Variants in SORCS1 observed in about 807,000 individuals in gnomAD.
SORCS1 encodes the protein VPS10 domain-containing receptor SorCS1.
A neutral mutation model predicts 146.1 loss-of-function variants in SORCS1; 60 were observed. The ratio of observed to expected loss-of-function variants is 0.41; its 90% CI spans 0.33 to 0.51. SORCS1 has a LOEUF of 0.51. Ranked by LOEUF, SORCS1 falls within the 20% of genes least tolerant of loss-of-function variation. SORCS1 has a pLI of 0.21. For missense variants in SORCS1, 1,352 were observed against 1,487.6 expected, an observed-to-expected ratio of 0.91 and a Z score of 1.50; for synonymous variants, 637 against 584.0, an observed-to-expected ratio of 1.09 and a Z score of -1.31.
chr10:107,159,512 T>G (rs867680345), intron 1 of SORCS1, among the ~76,000 whole-genome samples: 2 of 152,118 alleles, frequency 1.3e-5, no homozygotes, highest in Non-Finnish European at 2.9e-5. Flanking sequence ...TAAGTAGCAT[T>G]TATTGAGCAT....
chr10:107,040,138 C>T (rs527865477), intron 1 of SORCS1, among the ~76,000 whole-genome samples: 3 of 152,256 alleles, frequency 2.0e-5, no homozygotes, highest in South Asian at 4.2e-4. Context: ...CCAGGATTCC[C>T]AAGTTACTGT....
intron 1 of SORCS1, among the ~76,000 whole-genome samples, chr10:107,094,735 G>A (rs764325902): frequency 5.3e-5 from 8 of 152,186 alleles, no homozygotes; most frequent in Non-Finnish European, 1.2e-4. Flanking sequence ...AGTAGGGAAT[G>A]ATAAAGATAT....
intron 1 of SORCS1, 92 bp downstream of exon 1, chr10:107,163,877 C>T (rs891563384): frequency 4.1e-5 from 58 of 1,409,082 alleles, no homozygotes; most frequent in Non-Finnish European, 4.8e-6. Flanking sequence ...GTCCAGAAAC[C>T]CTATTTCCCC....
intron 6 of SORCS1, among the ~76,000 whole-genome samples, chr10:106,712,014 C>A (rs375378681): frequency 1.3e-5 from 2 of 152,248 alleles, no homozygotes; most frequent in East Asian, 1.9e-4. Flanking sequence ...ATAAGAAATC[C>A]TTTCATCTTC....
intron 10 of SORCS1, among the ~76,000 whole-genome samples, chr10:106,681,535 T>C (rs975600134): frequency 1.3e-5 from 2 of 152,222 alleles, no homozygotes; most frequent in African/African-American, 4.8e-5. Context: ...GATATCACTT[T>C]ACTATTTTAC....
chr10:107,056,580 T>C lies in SORCS1; in HGVS notation c.559-100000A>G, dbSNP rs565196389. ...GACAGAGGAAAACTATCTCTTATCA[T>C]ATAATTAGCACATAACCATCGATAG... On this transcript the variant is annotated intron_variant, in intron 1 of 25. Transcript: ENST00000263054. Among the ~76,000 whole-genome samples the C allele has an allele frequency of 2.6e-5, 4 of 152,334 alleles. No individual in the cohort carries two copies. The South Asian group carries it at 6.2e-4, about 24-fold the overall frequency.
At chr10:107,026,007 A>C (rs1333863222) in intron 1 of SORCS1, among the ~76,000 whole-genome samples, 1 of 152,208 alleles carries the variant, frequency 6.6e-6, no homozygotes, top group Non-Finnish European at 1.5e-5. Context: ...TGTCTCTGCC[A>C]TCCAGGACCC....
intron 1 of SORCS1, among the ~76,000 whole-genome samples, chr10:107,147,127 TGAAAGA>T (rs1968397733): frequency 6.6e-6 from 1 of 152,204 alleles, no homozygotes; most frequent in Non-Finnish European, 1.5e-5. Flanking sequence ...TAAATGTGCC[TGAAAGA>T]AAACGTAAGT....
At chr10:106,625,172 C>T (rs1199179267) in intron 19 of SORCS1, among the ~76,000 whole-genome samples, 3 of 151,272 alleles carry the variant, frequency 2.0e-5, no homozygotes, top group Non-Finnish European at 4.4e-5. Flanking sequence ...AAACAACTGA[C>T]GCCCGTGAGG....
chr10:106,765,618 G>T (rs184639352), intron 4 of SORCS1, among the ~76,000 whole-genome samples: 5 of 152,164 alleles, frequency 3.3e-5, no homozygotes, highest in Non-Finnish European at 5.9e-5. Context: ...AAAATAGCCT[G>T]GGGGAGGGAA....
chr10:107,084,346 G>A (rs570385197), intron 1 of SORCS1, among the ~76,000 whole-genome samples: 25 of 149,000 alleles, frequency 1.7e-4, no homozygotes, highest in African/African-American at 5.4e-4. Flanking sequence ...CTCGTGATCC[G>A]CCCGCCTCAG....
intron 19 of SORCS1, among the ~76,000 whole-genome samples, chr10:106,628,330 G>A (rs1248998018): frequency 1.3e-5 from 2 of 152,160 alleles, no homozygotes; most frequent in African/African-American, 2.4e-5. Flanking sequence ...TGTTCCATGG[G>A]CAAGGTGCAG....
intron 19 of SORCS1, among the ~76,000 whole-genome samples, chr10:106,627,399 C>T (rs1211392259): frequency 6.6e-6 from 1 of 152,030 alleles, no homozygotes; most frequent in Non-Finnish European, 1.5e-5. Context: ...GCAAAATCAC[C>T]CCTTATAGAA....
chr10:106,579,495 G>A (rs759658378), intron 24 of SORCS1, 21 bp from the exon 25 acceptor site: 1 of 1,612,234 alleles, frequency 6.2e-7, no homozygotes. Flanking sequence ...AAACAGAGCA[G>A]AGAAAAATGA....
At chr10:106,952,003 G>A (rs1368441749) in intron 2 of SORCS1, among the ~76,000 whole-genome samples, 1 of 152,134 alleles carries the variant, frequency 6.6e-6, no homozygotes, top group Non-Finnish European at 1.5e-5. Context: ...CTCTCAAAAA[G>A]TATCAAAGAA....
At chr10:106,582,910 T>C (rs1845006915) in intron 24 of SORCS1, among the ~76,000 whole-genome samples, 1 of 152,208 alleles carries the variant, frequency 6.6e-6, no homozygotes, top group Admixed American at 6.5e-5. Context: ...GAAAAGTGAT[T>C]GCCACGTAGT....
intron 1 of SORCS1, among the ~76,000 whole-genome samples, chr10:107,160,338 T>C (rs1969607070): frequency 6.6e-6 from 1 of 152,232 alleles, no homozygotes; most frequent in Admixed American, 6.5e-5. Context: ...CTGTGTCTAT[T>C]TGGCAATTCA....
At chr10:106,838,276 ACCT>A (rs1268970446) in intron 2 of SORCS1, among the ~76,000 whole-genome samples, 2 of 152,168 alleles carry the variant, frequency 1.3e-5, no homozygotes, top group African/African-American at 4.8e-5. Flanking sequence ...TAAATTAATA[ACCT>A]TGATTTTTAG....
At chr10:107,069,250 C>A (rs1333158541) in intron 1 of SORCS1, among the ~76,000 whole-genome samples, 1 of 152,184 alleles carries the variant, frequency 6.6e-6, no homozygotes, top group South Asian at 2.1e-4. Flanking sequence ...AAAACTGTGA[C>A]ATCTACGTTT....
Sources: allele counts gnomAD v4.1 joint callset (sites outside exome capture counted in the v4.1 genomes callset), GRCh38; gene constraint gnomAD v4.1.1; transcripts MANE v1.5; gene names NCBI Gene and HGNC (gene_info 2026-07-23, HGNC 2026-07-21).